Variants in AK9 observed in about 807,000 individuals in gnomAD.
AK9 encodes adenylate kinase domain containing 1.
A neutral mutation model predicts 239.6 loss-of-function variants in AK9; 191 were observed. The ratio of observed to expected loss-of-function variants is 0.80; its 90% CI spans 0.71 to 0.90. AK9 has a LOEUF of 0.90. Among genes scored for constraint, AK9 ranks in the 40% least tolerant of loss-of-function variants. AK9 has a pLI of 0.00. For missense variants in AK9, 1,995 were observed against 2,214.7 expected (o/e 0.90, Z 1.99); for synonymous variants, 689 against 721.0 (o/e 0.96, Z 0.71).
chr6:109,592,986 TCTC>T, intron 17 of AK9, among the ~76,000 whole-genome samples: 1 of 152,246 alleles, frequency 6.6e-6, no homozygotes, highest in Non-Finnish European at 1.5e-5. Context: ...TTTTTCTTCT[TCTC>T]CTCTGGAATA....
intron 27 of AK9, among the ~76,000 whole-genome samples, chr6:109,535,793 A>G (rs62436120): frequency 0.19 from 28,705 of 152,052 alleles, 3,171 homozygotes; most frequent in South Asian, 0.34. Flanking sequence ...TAAGATGTAA[A>G]GAAGGGATCC....
chr6:109,579,730 T>C (rs1788578836), intron 19 of AK9, 104 bp from the exon 20 acceptor site: 1 of 944,746 alleles, frequency 1.1e-6, no homozygotes, highest in Non-Finnish European at 1.5e-6. Context: ...TTAAATCTTA[T>C]TATACTTACT....
chr6:109,632,862 CATAG>C (rs3060798), intron 12 of AK9, 57 bp downstream of exon 12: 49,278 of 1,251,814 alleles, frequency 0.039, 801 homozygotes, highest in African/African-American at 0.077. Flanking sequence ...GACAGATAGA[CATAG>C]ATAGATAGAT....
intron 29 of AK9, among the ~76,000 whole-genome samples, chr6:109,521,846 C>T (rs543717577): frequency 6.6e-6 from 1 of 152,036 alleles, no homozygotes; most frequent in South Asian, 2.1e-4. Context: ...TTGAATAATA[C>T]TCTTATTGTC....
intron 9 of AK9, among the ~76,000 whole-genome samples, chr6:109,642,011 T>A (rs561509186): frequency 6.6e-6 from 1 of 152,298 alleles, no homozygotes; most frequent in South Asian, 2.1e-4. Context: ...GGTCTTGGTC[T>A]CTGGGACCTC....
At chr6:109,541,581 T>C (rs1782890901) in intron 27 of AK9, among the ~76,000 whole-genome samples, 1 of 152,174 alleles carries the variant, frequency 6.6e-6, no homozygotes, top group Non-Finnish European at 1.5e-5. Context: ...CAGCTAATCT[T>C]GTATTTTTAG....
At chr6:109,584,337 A>G (rs772751683) in intron 19 of AK9, among the ~76,000 whole-genome samples, 46 of 152,118 alleles carry the variant, frequency 3.0e-4, no homozygotes, top group Non-Finnish European at 5.6e-4. Context: ...GCATTTAAGA[A>G]AGCCATAGGT....
At chr6:109,663,414 G>C (rs1446181223) in intron 5 of AK9, among the ~76,000 whole-genome samples, 1 of 152,112 alleles carries the variant, frequency 6.6e-6, no homozygotes, top group East Asian at 1.9e-4. Flanking sequence ...ATTCAGCCCT[G>C]GGTATTTGGC....
At chr6:109,514,108 G>T in intron 32 of AK9, 116 bp downstream of exon 32, 1 of 984,860 alleles carries the variant, frequency 1.0e-6, no homozygotes, top group South Asian at 1.8e-5. Context: ...GCCACCCTAC[G>T]ATTAAATGTC....
At chr6:109,621,770 A>T (rs1362672783) in intron 12 of AK9, among the ~76,000 whole-genome samples, 2 of 144,832 alleles carry the variant, frequency 1.4e-5, no homozygotes, top group Non-Finnish European at 3.0e-5. Flanking sequence ...GAGGGATAGC[A>T]TTGGGAGATA....
chr6:109,651,836 C>T (rs1798998453), intron 8 of AK9, among the ~76,000 whole-genome samples: 1 of 152,066 alleles, frequency 6.6e-6, no homozygotes, highest in Non-Finnish European at 1.5e-5. Context: ...CATATACACC[C>T]TCCCAAGACT....
chr6:109,563,535 T>G, intron 24 of AK9, 62 bp downstream of exon 24: 13 of 1,531,832 alleles, frequency 8.5e-6, no homozygotes, highest in Non-Finnish European at 1.1e-5. Context: ...TAGTTACCAC[T>G]CTTATTTGCA....
At chr6:109,565,675 C>T (rs1786386256) in intron 21 of AK9, among the ~76,000 whole-genome samples, 1 of 152,120 alleles carries the variant, frequency 6.6e-6, no homozygotes, top group Non-Finnish European at 1.5e-5. Context: ...ACAGATCCAG[C>T]AGAGGTAGTT....
At chr6:109,510,598 A>C (rs945670157) in intron 32 of AK9, among the ~76,000 whole-genome samples, 1 of 152,170 alleles carries the variant, frequency 6.6e-6, no homozygotes. Flanking sequence ...TTCTCTGCTG[A>C]GAACTGAACA....
chr6:109,647,966 G>C (rs1358640035), intron 8 of AK9, among the ~76,000 whole-genome samples: 4 of 152,080 alleles, frequency 2.6e-5, no homozygotes, highest in Non-Finnish European at 5.9e-5. Flanking sequence ...CATGGAAACT[G>C]AACAACCTGC....
chr6:109,629,551 G>A (rs190966575), intron 12 of AK9, among the ~76,000 whole-genome samples: 2 of 152,130 alleles, frequency 1.3e-5, no homozygotes, highest in East Asian at 3.9e-4. Flanking sequence ...TATTTGAAAT[G>A]TATCACACCA....
chr6:109,682,426 C>CAAAA (rs57215335), intron 1 of AK9, among the ~76,000 whole-genome samples: 4 of 68,534 alleles, frequency 5.8e-5, no homozygotes, highest in Non-Finnish European at 1.1e-4. Context: ...GACTCCGTCT[C>CAAAA]AAAAAAAAAA....
At chr6:109,522,468 C>G (rs1008595229) in intron 29 of AK9, among the ~76,000 whole-genome samples, 1 of 151,772 alleles carries the variant, frequency 6.6e-6, no homozygotes. Flanking sequence ...TATTTCCTAT[C>G]TCTTGCACTT....
chr6:109,594,725 A>C (rs1790780428), intron 17 of AK9, among the ~76,000 whole-genome samples: 1 of 152,212 alleles, frequency 6.6e-6, no homozygotes, highest in East Asian at 1.9e-4. Context: ...CAACCAACTG[A>C]TCTTTGACAA....
Sources: gnomAD v4.1 joint callset for allele counts (sites outside exome capture counted in the v4.1 genomes callset) on GRCh38, gnomAD v4.1.1 for gene constraint, MANE v1.5 for transcripts, NCBI Gene and HGNC (gene_info 2026-07-23, HGNC 2026-07-21) for gene names.